The following COP1 variants were observed in gnomAD, a reference collection of about 807,000 sequenced individuals.
COP1 encodes E3 ubiquitin-protein ligase COP1.
In COP1, 24 loss-of-function variants were observed where a neutral mutation model predicts 101.3. The observed-to-expected ratio is 0.24, with a 90% CI of 0.17 to 0.33. COP1 has a LOEUF of 0.33. COP1 is among the 10% of genes least tolerant of loss of function. The probability of loss-of-function intolerance (pLI) is 1.00; values close to 1 mark genes in which losing one functional copy is unlikely to be tolerated. For missense variants in COP1, 663 were observed against 906.2 expected, an observed-to-expected ratio of 0.73 and a Z score of 3.45; for synonymous variants, 347 against 341.9, an observed-to-expected ratio of 1.01 and a Z score of -0.17.
intron 3 of COP1, among the ~76,000 whole-genome samples, chr1:176,164,544 T>C (rs1483017242): frequency 1.3e-5 from 2 of 152,100 alleles, no homozygotes; most frequent in African/African-American, 4.8e-5. Flanking sequence ...ATGTGCTATC[T>C]TTCAGAAAGG....
At chr1:176,029,444 T>C (rs904290961) in intron 14 of COP1, among the ~76,000 whole-genome samples, 11 of 152,118 alleles carry the variant, frequency 7.2e-5, no homozygotes, top group Non-Finnish European at 1.5e-4. Flanking sequence ...TTTTCAACAA[T>C]AAAAACAGTA....
intron 11 of COP1, among the ~76,000 whole-genome samples, chr1:176,058,139 G>GT (rs1553244737): frequency 7.1e-6 from 1 of 140,212 alleles, no homozygotes; most frequent in African/African-American, 2.6e-5. Context: ...GTGGGGTGGG[G>GT]GGGGGGTCAG....
chr1:176,156,502 T>G (rs903166040), intron 5 of COP1, among the ~76,000 whole-genome samples: 1 of 152,134 alleles, frequency 6.6e-6, no homozygotes, highest in Non-Finnish European at 1.5e-5. Flanking sequence ...ACTGCACTTA[T>G]TAGACTGTGT....
chr1:176,180,696 T>C (rs1002376747), intron 2 of COP1, among the ~76,000 whole-genome samples: 6 of 152,184 alleles, frequency 3.9e-5, no homozygotes, highest in Non-Finnish European at 8.8e-5. Context: ...TTTATATCTA[T>C]GTAAACAAGG....
chr1:176,063,097 G>A (rs1457644006), intron 11 of COP1, among the ~76,000 whole-genome samples: 2 of 116,302 alleles, frequency 1.7e-5, no homozygotes, highest in African/African-American at 3.2e-5. Flanking sequence ...CTGTCGCCCA[G>A]GCCGGACTGC....
intron 5 of COP1, among the ~76,000 whole-genome samples, chr1:176,158,727 C>T (rs776493763): frequency 1.4e-5 from 2 of 146,828 alleles, no homozygotes; most frequent in African/African-American, 5.1e-5. Context: ...GCAACCTCTG[C>T]CTCCTGGGTT....
At chr1:176,049,858 C>A (rs1379797254) in intron 11 of COP1, among the ~76,000 whole-genome samples, 1 of 152,072 alleles carries the variant, frequency 6.6e-6, no homozygotes, top group East Asian at 1.9e-4. Context: ...AATCTGATAA[C>A]CCAAGCAAAA....
chr1:176,173,783 T>C (rs1696484722), intron 3 of COP1, among the ~76,000 whole-genome samples: 1 of 150,244 alleles, frequency 6.7e-6, no homozygotes, highest in African/African-American at 2.4e-5. Context: ...AGTCCAGGAG[T>C]TCGAGACCAG....
intron 15 of COP1, among the ~76,000 whole-genome samples, chr1:176,004,936 C>CAA: frequency 1.3e-5 from 2 of 151,556 alleles, no homozygotes; most frequent in Non-Finnish European, 3.0e-5. Flanking sequence ...GGTACCAGTT[C>CAA]CTCCTTGTAC....
chr1:176,205,338 T>C (rs1700718459), intron 1 of COP1, among the ~76,000 whole-genome samples: 1 of 152,178 alleles, frequency 6.6e-6, no homozygotes, highest in Admixed American at 6.5e-5. Context: ...TTAATTCTGA[T>C]AAAGAATAAC....
intron 3 of COP1, among the ~76,000 whole-genome samples, chr1:176,174,036 T>C (rs1169833303): frequency 6.9e-6 from 1 of 145,820 alleles, no homozygotes; most frequent in Non-Finnish European, 1.5e-5. Context: ...AGGGGATCAC[T>C]TTCCAGCTTA....
chr1:176,138,686 T>A (rs1690178388), intron 6 of COP1, among the ~76,000 whole-genome samples: 1 of 152,060 alleles, frequency 6.6e-6, no homozygotes, highest in Admixed American at 6.6e-5. Context: ...CAATTAGTCT[T>A]CCACCCTAAA....
chr1:175,982,547 T>C (rs1221213600), intron 18 of COP1, among the ~76,000 whole-genome samples: 1 of 152,202 alleles, frequency 6.6e-6, no homozygotes. Context: ...TTCTTTTGTC[T>C]AGCTTATGTG....
At chr1:175,979,328 T>C (rs1446652211) in intron 18 of COP1, among the ~76,000 whole-genome samples, 1 of 152,152 alleles carries the variant, frequency 6.6e-6, no homozygotes, top group African/African-American at 2.4e-5. Flanking sequence ...TAGACATCTT[T>C]TATACTTTAA....
intron 11 of COP1, among the ~76,000 whole-genome samples, chr1:176,053,634 C>T (rs1460218945): frequency 6.6e-6 from 1 of 152,148 alleles, no homozygotes; most frequent in Non-Finnish European, 1.5e-5. Flanking sequence ...ACTTCACTCC[C>T]TCCTTCACCT....
chr1:176,180,815 A>ATTTT (rs1697640794), intron 2 of COP1, among the ~76,000 whole-genome samples: 1 of 152,246 alleles, frequency 6.6e-6, no homozygotes, highest in Admixed American at 6.5e-5. Context: ...TCTAATAACC[A>ATTTT]GGTGTAAAGA....
chr1:176,035,732 A>AAAAAAAAAAAAAAAG (rs1669411769), intron 14 of COP1, among the ~76,000 whole-genome samples: 1 of 129,652 alleles, frequency 7.7e-6, no homozygotes, highest in Admixed American at 7.9e-5. Flanking sequence ...AAAAAAAAAA[A>AAAAAAAAAAAAAAAG]CGCAAGCATA....
In COP1 at chr1:176,145,741, C is replaced by A. The variant is rs369958055; in HGVS notation, c.831+3265G>T. Among the ~76,000 whole-genome samples, 8 of 151,520 alleles carry A rather than the reference C, an allele frequency of 5.3e-5. No individual in the cohort carries two copies. In the South Asian group the frequency reaches 1.7e-3, roughly 32 times the overall value. On this transcript the variant is annotated intron_variant, in intron 6 of 19. Transcript: ENST00000367669. ...CGAAGAAGATAGGAATAAAAGATTACATACTGCACAAGCACACTTAAATAA... is the reference window on the plus strand; with the variant it reads ...CGAAGAAGATAGGAATAAAAGATTAAATACTGCACAAGCACACTTAAATAA...
At chr1:176,200,680 A>C (rs1055253963) in intron 1 of COP1, among the ~76,000 whole-genome samples, 11 of 152,242 alleles carry the variant, frequency 7.2e-5, no homozygotes, top group African/African-American at 2.7e-4. Context: ...AGGACAACTA[A>C]CATATTTTAA....
Sources: allele counts gnomAD v4.1 joint callset (sites outside exome capture counted in the v4.1 genomes callset), GRCh38; gene constraint gnomAD v4.1.1; transcripts MANE v1.5; gene names NCBI Gene and HGNC (gene_info 2026-07-23, HGNC 2026-07-21).